The following PTPRD variants were observed in gnomAD, a reference collection of about 807,000 sequenced individuals.
PTPRD encodes the protein protein tyrosine phosphatase receptor type D, also known as receptor-type tyrosine-protein phosphatase delta.
In PTPRD, 34 loss-of-function variants were observed where a neutral mutation model predicts 214.5. That is an observed-to-expected ratio of 0.16 (90% CI 0.12 to 0.21). PTPRD has a LOEUF of 0.21. Among genes scored for constraint, PTPRD ranks in the 10% least tolerant of loss-of-function variants. The pLI is 1.00. For synonymous variants in PTPRD, 1,128 were observed against 845.7 expected, an observed-to-expected ratio of 1.33 and a Z score of -5.79; for missense variants, 2,545 against 2,398.7, an observed-to-expected ratio of 1.06 and a Z score of -1.27.
intron 14 of PTPRD, among the ~76,000 whole-genome samples, chr9:8,631,919 C>T (rs1470534088): frequency 6.6e-6 from 1 of 151,808 alleles, no homozygotes; most frequent in African/African-American, 2.4e-5. Flanking sequence ...CCTGCACCAA[C>T]CTAGCTTGTC....
intron 11 of PTPRD, among the ~76,000 whole-genome samples, chr9:8,786,115 C>T (rs1378612604): frequency 6.6e-6 from 1 of 151,690 alleles, no homozygotes; most frequent in Non-Finnish European, 1.5e-5. Context: ...CAGATACTGA[C>T]CCAGAATATG....
intron 5 of PTPRD, among the ~76,000 whole-genome samples, chr9:9,855,638 C>G (rs925618895): frequency 6.6e-6 from 1 of 152,204 alleles, no homozygotes; most frequent in Non-Finnish European, 1.5e-5. Context: ...TGCAGAAGCA[C>G]TGGAACCAGC....
intron 9 of PTPRD, among the ~76,000 whole-genome samples, chr9:9,374,531 T>A (rs2060293376): frequency 1.3e-5 from 2 of 152,170 alleles, no homozygotes; most frequent in South Asian, 4.1e-4. Flanking sequence ...TGAAGCTGAA[T>A]GAGGGTAATA....
At chr9:8,857,934 C>T (rs1475801018) in intron 11 of PTPRD, among the ~76,000 whole-genome samples, 1 of 150,146 alleles carries the variant, frequency 6.7e-6, no homozygotes, top group Non-Finnish European at 1.5e-5. Context: ...CACCCCTACC[C>T]CCTTTTCCTC....
At chr9:9,917,441 A>C (rs1197977640) in intron 5 of PTPRD, among the ~76,000 whole-genome samples, 1 of 131,000 alleles carries the variant, frequency 7.6e-6, no homozygotes. Flanking sequence ...TTTAAAATCC[A>C]GAAAATTTCC....
intron 7 of PTPRD, among the ~76,000 whole-genome samples, chr9:9,618,387 GA>G (rs921215504): frequency 1.3e-4 from 19 of 146,464 alleles, no homozygotes; most frequent in East Asian, 6.0e-4. Flanking sequence ...TATGGATTAA[GA>G]AAAAAAAAAC....
intron 2 of PTPRD, among the ~76,000 whole-genome samples, chr9:10,600,439 A>G (rs2077673312): frequency 6.6e-6 from 1 of 151,750 alleles, no homozygotes; most frequent in Admixed American, 6.6e-5. Flanking sequence ...GTAACTCTAT[A>G]CATGCCATAC....
Position 9,889,203 on chromosome 9 carries a change from T to C in PTPRD, c.-368+49304A>G, listed in dbSNP as rs141692890. Among the ~76,000 whole-genome samples the C allele has an allele frequency of 1.8e-3, 267 of 152,204 alleles. 1 individual carries two copies. The highest frequency in any genetic ancestry group is 6.1e-3 in the African/African-American group (253 of 41,552). On this transcript the variant is annotated intron_variant, in intron 5 of 45. Coordinates refer to ENST00000381196, the MANE Select transcript of PTPRD (RefSeq NM_002839.4). ...GAGGAGAATTATTTATTGTACAATG[T>C]ACTGATATATAATAGTTAGCAATAT...
intron 11 of PTPRD, among the ~76,000 whole-genome samples, chr9:8,958,443 G>A (rs1224608516): frequency 6.6e-6 from 1 of 151,956 alleles, no homozygotes; most frequent in Non-Finnish European, 1.5e-5. Context: ...GCAGTTTTGA[G>A]AAGATGATAG....
chr9:10,349,034 C>A (rs1298013282), intron 2 of PTPRD, among the ~76,000 whole-genome samples: 3 of 152,080 alleles, frequency 2.0e-5, no homozygotes, highest in Non-Finnish European at 4.4e-5. Context: ...TCCCTCTGCA[C>A]ACCTGAAACA....
chr9:9,056,066 AT>A (rs1423590771), intron 10 of PTPRD, among the ~76,000 whole-genome samples: 2 of 152,112 alleles, frequency 1.3e-5, no homozygotes, highest in Non-Finnish European at 2.9e-5. Flanking sequence ...AAAAAGACTA[AT>A]TTTGATAGTA....
At chr9:9,374,011 C>T (rs2060175443) in intron 9 of PTPRD, among the ~76,000 whole-genome samples, 1 of 151,706 alleles carries the variant, frequency 6.6e-6, no homozygotes, top group Non-Finnish European at 1.5e-5. Flanking sequence ...TTTTAATGAG[C>T]TTATCATTTA....
chr9:8,780,529 G>A (rs780405718), intron 11 of PTPRD, among the ~76,000 whole-genome samples: 8 of 152,114 alleles, frequency 5.3e-5, no homozygotes, highest in African/African-American at 1.2e-4. Flanking sequence ...AGGAGGTACC[G>A]GAGAAGTCTA....
chr9:10,495,832 A>G (rs1376989426), intron 2 of PTPRD, among the ~76,000 whole-genome samples: 1 of 151,790 alleles, frequency 6.6e-6, no homozygotes, highest in African/African-American at 2.4e-5. Flanking sequence ...TATATGTTAC[A>G]TAGAATCTGT....
intron 9 of PTPRD, among the ~76,000 whole-genome samples, chr9:9,233,260 G>A (rs114867078): frequency 0.015 from 2,321 of 152,152 alleles, 56 homozygotes; most frequent in African/African-American, 0.053. Context: ...CCAAGCAAAC[G>A]GGGAAAATCT....
chr9:9,264,948 C>T (rs897225698), intron 9 of PTPRD, among the ~76,000 whole-genome samples: 6 of 150,352 alleles, frequency 4.0e-5, no homozygotes, highest in South Asian at 4.2e-4. Context: ...GCTGTCTGTC[C>T]GTCAGAAATA....
chr9:9,161,013 A>G (rs914154321), intron 10 of PTPRD, among the ~76,000 whole-genome samples: 2 of 152,108 alleles, frequency 1.3e-5, no homozygotes, highest in African/African-American at 2.4e-5. Context: ...GAGTAAAACA[A>G]TGATTACCAG....
chr9:8,983,071 C>G (rs1274068989), intron 11 of PTPRD, among the ~76,000 whole-genome samples: 1 of 152,064 alleles, frequency 6.6e-6, no homozygotes, highest in African/African-American at 2.4e-5. Flanking sequence ...ATGGGATACA[C>G]TTTTTCTTTT....
At chr9:9,695,992 G>T (rs1200031636) in intron 7 of PTPRD, among the ~76,000 whole-genome samples, 1 of 151,932 alleles carries the variant, frequency 6.6e-6, no homozygotes. Context: ...TAAATATTGG[G>T]AGAATTCAGC....
Sources: gnomAD v4.1 joint callset for allele counts (sites outside exome capture counted in the v4.1 genomes callset) on GRCh38, gnomAD v4.1.1 for gene constraint, MANE v1.5 for transcripts, NCBI Gene and HGNC (gene_info 2026-07-23, HGNC 2026-07-21) for gene names.